Variants in NPSR1 observed in about 807,000 individuals in gnomAD.
The protein encoded by NPSR1 is neuropeptide S receptor.
A neutral mutation model predicts 46.9 loss-of-function variants in NPSR1; 48 were observed. The observed-to-expected ratio is 1.02, with a 90% CI of 0.81 to 1.30. The LOEUF is 1.30. Ranked by LOEUF, NPSR1 falls within the 50% of genes most tolerant of loss-of-function variation. NPSR1 has a pLI of 0.00. For synonymous variants in NPSR1, 176 were observed against 168.1 expected, an observed-to-expected ratio of 1.05 and a Z score of -0.36; for missense variants, 450 against 449.5, an observed-to-expected ratio of 1.00 and a Z score of -0.01.
chr7:34,792,487 CT>C (rs1787925416), intron 3 of NPSR1, among the ~76,000 whole-genome samples: 1 of 145,770 alleles, frequency 6.9e-6, no homozygotes, highest in African/African-American at 2.5e-5. Flanking sequence ...TGGCAAACCC[CT>C]ATCTCTACAA....
At chr7:34,751,502 C>A in intron 2 of NPSR1, 1 of 1,427,704 alleles carries the variant, frequency 7.0e-7, no homozygotes, top group Non-Finnish European at 9.9e-7. Context: ...TCTGCTGCCC[C>A]AACCAGCCCC....
At chr7:34,859,819 G>T (rs780006407) in intron 8 of NPSR1, among the ~76,000 whole-genome samples, 1 of 151,754 alleles carries the variant, frequency 6.6e-6, no homozygotes, top group South Asian at 2.1e-4. Flanking sequence ...TCACCCAGGC[G>T]ATTCATCCAG....
At chr7:34,837,090 T>A (rs1335346678) in intron 6 of NPSR1, among the ~76,000 whole-genome samples, 2 of 152,204 alleles carry the variant, frequency 1.3e-5, no homozygotes, top group Admixed American at 1.3e-4. Flanking sequence ...CTAAATGTTA[T>A]CAATGTTATT....
At chr7:34,772,459 G>A (rs896736214) in intron 2 of NPSR1, among the ~76,000 whole-genome samples, 4 of 152,070 alleles carry the variant, frequency 2.6e-5, no homozygotes, top group Non-Finnish European at 5.9e-5. Flanking sequence ...GACTAGAATT[G>A]CACAGAAACC....
chr7:34,665,752 G>A (rs1207744587), intron 1 of NPSR1, among the ~76,000 whole-genome samples: 1 of 152,038 alleles, frequency 6.6e-6, no homozygotes, highest in Non-Finnish European at 1.5e-5. Flanking sequence ...TAGAATCTCT[G>A]TGCAATATGG....
At chr7:34,766,026 T>C (rs1330524731) in intron 2 of NPSR1, among the ~76,000 whole-genome samples, 1 of 151,926 alleles carries the variant, frequency 6.6e-6, no homozygotes, top group African/African-American at 2.4e-5. Flanking sequence ...ATGTACCCCC[T>C]GAATCTAAAT....
At chr7:34,862,325 T>A (rs1791208605) in intron 8 of NPSR1, among the ~76,000 whole-genome samples, 1 of 151,774 alleles carries the variant, frequency 6.6e-6, no homozygotes, top group Non-Finnish European at 1.5e-5. Flanking sequence ...TTGTCCTCAG[T>A]TGCATGGAGC....
At chr7:34,749,743 A>G (rs1785411947) in intron 2 of NPSR1, among the ~76,000 whole-genome samples, 1 of 152,200 alleles carries the variant, frequency 6.6e-6, no homozygotes, top group East Asian at 1.9e-4. Flanking sequence ...TTAAAGTTCA[A>G]TTTCGTATCC....
intron 2 of NPSR1, among the ~76,000 whole-genome samples, chr7:34,729,386 C>T (rs1010732122): frequency 1.3e-5 from 2 of 152,078 alleles, no homozygotes; most frequent in African/African-American, 4.8e-5. Flanking sequence ...AATTGACCCC[C>T]TCTGGAAAGA....
At chr7:34,792,715 T>TATATATATATTTTTATATATATTTA (rs1787980054) in intron 3 of NPSR1, among the ~76,000 whole-genome samples, 1 of 98,926 alleles carries the variant, frequency 1.0e-5, no homozygotes, top group African/African-American at 3.9e-5. Flanking sequence ...ATATATATAT[T>TATATATATATTTTTATATATATTTA]TATATATATA....
chr7:34,658,385 G>C lies in NPSR1; in HGVS notation c.-28G>C, dbSNP rs200681594. The C allele has an allele frequency of 1.9e-4, 309 of 1,612,046 alleles. 4 individuals are homozygous for C. The highest frequency in any genetic ancestry group is 7.8e-4 in the Middle Eastern group (4 of 5,106). ...TCCCTCACTCAGCTGCAGGAGCAAG[G>C]ACAGTGAGGCTCAACCCCGCCTGAG... On this transcript the variant is annotated 5_prime_UTR_variant, in exon 1 of 9. Transcript: ENST00000360581.
At chr7:34,725,643 C>T (rs77458981) in intron 2 of NPSR1, among the ~76,000 whole-genome samples, 3,414 of 152,234 alleles carry the variant, frequency 0.022, 118 homozygotes, top group African/African-American at 0.077. Context: ...GACTCTTTTC[C>T]GCCCCATACC....
At chr7:34,844,630 C>T (rs1790683077) in intron 6 of NPSR1, among the ~76,000 whole-genome samples, 2 of 152,192 alleles carry the variant, frequency 1.3e-5, no homozygotes, top group African/African-American at 4.8e-5. Flanking sequence ...TCAGCTGCAG[C>T]TGTTCAGGCC....
At chr7:34,721,562 C>T (rs34261879) in intron 2 of NPSR1, among the ~76,000 whole-genome samples, 42 of 152,280 alleles carry the variant, frequency 2.8e-4, no homozygotes, top group African/African-American at 8.9e-4. Context: ...CAACTGCATG[C>T]CAGGCCCTGC....
At position 34,872,643 on chromosome 7, in the gene NPSR1, G is replaced by A. The variant is rs187095647; in HGVS notation, c.1026-5433G>A. On this transcript the variant is annotated intron_variant, in intron 8 of 8. Transcript: ENST00000359791. ...TGGCTGGGGAGGCCTCACAATCATG[G>A]TGGAAGGCAAGGAGAAGCAAATTAT... Among the ~76,000 whole-genome samples the A allele has an allele frequency of 6.1e-3, 925 of 151,892 alleles. 16 individuals carry two copies. Among genetic ancestry groups the A allele is most frequent in the South Asian group, 0.013 (63 of 4,808 alleles).
downstream of NPSR1, chr7:34,850,033 A>G (rs1790887876): frequency 2.1e-6 from 2 of 971,162 alleles, no homozygotes; most frequent in Non-Finnish European, 2.5e-6. Context: ...TCTCATTACA[A>G]TAGAAGAAAA....
At chr7:34,794,162 G>A (rs1562734479) in intron 3 of NPSR1, among the ~76,000 whole-genome samples, 2 of 152,048 alleles carry the variant, frequency 1.3e-5, no homozygotes, top group South Asian at 2.1e-4. Flanking sequence ...TTGCACATCA[G>A]GGTGAATATA....
At chr7:34,798,346 C>G (rs1788284572) in intron 3 of NPSR1, among the ~76,000 whole-genome samples, 1 of 152,082 alleles carries the variant, frequency 6.6e-6, no homozygotes, top group Admixed American at 6.6e-5. Flanking sequence ...GCCAGCCTGA[C>G]CAACATGGTG....
chr7:34,670,443 G>A (rs1450562097), intron 1 of NPSR1, among the ~76,000 whole-genome samples: 1 of 151,712 alleles, frequency 6.6e-6, no homozygotes, highest in East Asian at 1.9e-4. Context: ...GCTAGATTGC[G>A]GAACTAAATT....
Sources: gnomAD v4.1 joint callset for allele counts (sites outside exome capture counted in the v4.1 genomes callset) on GRCh38, gnomAD v4.1.1 for gene constraint, MANE v1.5 for transcripts, NCBI Gene and HGNC (gene_info 2026-07-23, HGNC 2026-07-21) for gene names.